The following PPIG variants were observed in gnomAD, a reference collection of about 807,000 sequenced individuals.
The protein encoded by PPIG is peptidyl-prolyl cis-trans isomerase G.
Under a neutral mutation model 87.9 loss-of-function variants are expected in PPIG, and 26 were observed. The observed-to-expected ratio is 0.30, with a 90% CI of 0.22 to 0.41. The LOEUF is 0.41. Among genes scored for constraint, PPIG ranks in the 10% least tolerant of loss-of-function variants. PPIG has a pLI of 1.00. For synonymous variants in PPIG, 308 were observed against 276.5 expected, an observed-to-expected ratio of 1.11 and a Z score of -1.13; for missense variants, 722 against 879.4, an observed-to-expected ratio of 0.82 and a Z score of 2.26.
chr2:169,630,210 CT>C (rs1553467989), intron 9 of PPIG, among the ~76,000 whole-genome samples: 1 of 151,172 alleles, frequency 6.6e-6, no homozygotes, highest in Non-Finnish European at 1.5e-5. Context: ...TTTAAAATGA[CT>C]TTTTGTAGAG....
intron 7 of PPIG, among the ~76,000 whole-genome samples, chr2:169,611,343 A>G (rs2683440): frequency 0.4 from 61,399 of 152,084 alleles, 13,041 homozygotes; most frequent in East Asian, 0.58. Flanking sequence ...GTGTCGTTCT[A>G]TAGTCAACTT....
intron 9 of PPIG, among the ~76,000 whole-genome samples, chr2:169,625,528 T>A (rs186245217): frequency 2.0e-5 from 3 of 152,280 alleles, no homozygotes; most frequent in Admixed American, 1.3e-4. Flanking sequence ...ATTTTTTTTT[T>A]AACAAATGCT....
chr2:169,591,717 C>T (rs1302963638), intron 1 of PPIG, among the ~76,000 whole-genome samples: 1 of 151,290 alleles, frequency 6.6e-6, no homozygotes, highest in African/African-American at 2.4e-5. Context: ...ATATATATGT[C>T]ATCTGTTGGG....
At position 169,604,277 on chromosome 2, in the gene PPIG, C is replaced by A; in HGVS notation, c.136+16C>A. 6.6e-7 allele frequency: 1 copy of A among 1,505,420 alleles called. No homozygotes were observed. Among genetic ancestry groups the A allele is most frequent in the Non-Finnish European group, 9.0e-7 (1 of 1,108,814 alleles). The allele number at this position is 1,505,420 out of a possible 1,614,324, so 93.3% of individuals were successfully genotyped here. A position where few individuals can be genotyped will look rare whatever the true frequency, so the allele number is the denominator to read the frequency against. ...CTTTGTACAGGTTTGTTCACATTTT[C>A]AACTGCCCTAATAGTAGTCTCAGTT... On this transcript the variant is annotated intron_variant, in intron 4 of 13. Transcript: ENST00000260970.
Position 169,602,809 on chromosome 2 carries a change from C to T in PPIG, c.-69-833C>T, listed in dbSNP as rs560845779. Among the ~76,000 whole-genome samples the T allele has an allele frequency of 6.6e-5, 10 of 152,194 alleles. No homozygotes were observed. The South Asian group carries it at 2.1e-3, about 32-fold the overall frequency. On this transcript the variant is annotated intron_variant, in intron 1 of 13. Coordinates refer to ENST00000260970, the MANE Select transcript of PPIG (RefSeq NM_004792.3). Reference sequence around the variant, plus strand: ...TTTTAAAAGAATCATTCCACTCTGGCTATTTTGTGCAGAAGAGGCAGTACA... The same window carrying T: ...TTTTAAAAGAATCATTCCACTCTGGTTATTTTGTGCAGAAGAGGCAGTACA...
intron 12 of PPIG, among the ~76,000 whole-genome samples, chr2:169,634,393 C>T (rs1574466209): frequency 6.6e-6 from 1 of 152,242 alleles, no homozygotes; most frequent in South Asian, 2.1e-4. Context: ...TGTAGTACCT[C>T]AGGGTTCCCA....
Position 169,636,839 on chromosome 2 carries a change from T to G in PPIG, c.1581T>G (p.Ser527Arg), listed in dbSNP as rs1167220384. ...KEKSKQLESK[S>R]NEHDHSKSKE... ...AGTCTAAACAGTTAGAATCAAAGAG[T>G]AATGAGCATGATCACAGTAAAAGTA... Residue 527 changes from serine (S) to arginine (R), a missense_variant, in exon 14 of 14, where the codon AGT (serine) becomes AGG (arginine). This residue lies in a region of PPIG where 476 missense variants were observed against 483.1 expected (regional missense o/e 0.99). Coordinates refer to ENST00000260970, the MANE Select transcript of PPIG (RefSeq NM_004792.3). 1 of 1,612,812 alleles carries G rather than the reference T, an allele frequency of 6.2e-7. No individual in the cohort carries two copies.
At chr2:169,632,879 C>G (rs2105521006) in intron 11 of PPIG, among the ~76,000 whole-genome samples, 1 of 151,804 alleles carries the variant, frequency 6.6e-6, no homozygotes, top group African/African-American at 2.4e-5. Flanking sequence ...GTGGCTCACA[C>G]CTATAATCCC....
intron 9 of PPIG, among the ~76,000 whole-genome samples, chr2:169,622,817 C>T (rs554048846): frequency 3.5e-4 from 54 of 152,334 alleles, no homozygotes; most frequent in Non-Finnish European, 7.1e-4. Context: ...CTATATCTTA[C>T]ATCCACTTAG....
At chr2:169,601,493 G>C (rs1685182749) in intron 1 of PPIG, among the ~76,000 whole-genome samples, 1 of 152,180 alleles carries the variant, frequency 6.6e-6, no homozygotes, top group Non-Finnish European at 1.5e-5. Flanking sequence ...TAAAGTGTTA[G>C]GAGGATGAGA....
intron 9 of PPIG, among the ~76,000 whole-genome samples, chr2:169,621,786 G>T (rs1418970371): frequency 6.7e-6 from 1 of 149,082 alleles, no homozygotes; most frequent in African/African-American, 2.5e-5. Flanking sequence ...GTTAGGATCT[G>T]TTGCCTCCTT....
chr2:169,595,728 C>T (rs1212558750), intron 1 of PPIG, among the ~76,000 whole-genome samples: 1 of 152,202 alleles, frequency 6.6e-6, no homozygotes, highest in African/African-American at 2.4e-5. Flanking sequence ...CATGTTGTTA[C>T]AAATAACAGG....
intron 11 of PPIG, among the ~76,000 whole-genome samples, chr2:169,632,943 A>AT (rs1228708426): frequency 6.6e-6 from 1 of 150,530 alleles, no homozygotes; most frequent in Admixed American, 6.6e-5. Context: ...TGCCCAGCTA[A>AT]TTTTTTGTAT....
At chr2:169,609,501 G>A (rs1041084311) in intron 7 of PPIG, among the ~76,000 whole-genome samples, 3 of 152,116 alleles carry the variant, frequency 2.0e-5, no homozygotes, top group Admixed American at 2.0e-4. Flanking sequence ...TGTTATAGAG[G>A]GGAAGTTAAA....
Position 169,637,590 on chromosome 2 carries a change from T to A in PPIG, c.*67T>A. ...AGTTTGAGAGACTTGCTAATGAATC[T>A]CCTTTATGTTGTTTTCCTTTTCATT... On this transcript the variant is annotated 3_prime_UTR_variant, in exon 14 of 14. Coordinates refer to ENST00000260970, the MANE Select transcript of PPIG (RefSeq NM_004792.3). 1 of 1,363,588 alleles carries A rather than the reference T, an allele frequency of 7.3e-7. No homozygotes were observed. Among genetic ancestry groups the A allele is most frequent in the Non-Finnish European group, 9.7e-7 (1 of 1,026,282 alleles). The allele number at this position is 1,363,588 out of a possible 1,614,324, so 84.5% of individuals were successfully genotyped here.
At chr2:169,619,089 C>T (rs1685676751) in intron 9 of PPIG, among the ~76,000 whole-genome samples, 1 of 152,130 alleles carries the variant, frequency 6.6e-6, no homozygotes, top group South Asian at 2.1e-4. Flanking sequence ...TCTTTGTTCT[C>T]ATTGGTTTCA....
intron 7 of PPIG, among the ~76,000 whole-genome samples, chr2:169,612,807 G>A (rs781056733): frequency 6.6e-6 from 1 of 152,162 alleles, no homozygotes; most frequent in Non-Finnish European, 1.5e-5. Context: ...GCTGCAGTGA[G>A]CATTGGCATT....
At chr2:169,620,784 C>G (rs1685728212) in intron 9 of PPIG, among the ~76,000 whole-genome samples, 1 of 151,980 alleles carries the variant, frequency 6.6e-6, no homozygotes, top group Non-Finnish European at 1.5e-5. Context: ...AAATATGTGG[C>G]TGATACTATT....
chr2:169,596,164 G>A (rs960347579), intron 1 of PPIG, among the ~76,000 whole-genome samples: 2 of 151,838 alleles, frequency 1.3e-5, no homozygotes, highest in Admixed American at 6.6e-5. Flanking sequence ...GCAGTGGCGC[G>A]ATCTTGGCTC....
Sources: allele counts gnomAD v4.1 joint callset (sites outside exome capture counted in the v4.1 genomes callset), GRCh38; gene constraint gnomAD v4.1.1; regional missense constraint gnomAD v4.1.1; transcripts MANE v1.5; gene names NCBI Gene and HGNC (gene_info 2026-07-23, HGNC 2026-07-21).